STPG4: variants seen among roughly 807,000 people sequenced by gnomAD.
STPG4 encodes the protein protein STPG4.
Under a neutral mutation model 31.5 loss-of-function variants are expected in STPG4, and 41 were observed. The ratio of observed to expected loss-of-function variants is 1.30; its 90% CI spans 1.01 to 1.69. STPG4 has a LOEUF of 1.69. Ranked by LOEUF, STPG4 falls within the 40% of genes most tolerant of loss-of-function variation. STPG4 has a pLI of 0.00. For synonymous variants in STPG4, 141 were observed against 103.0 expected, an observed-to-expected ratio of 1.37 and a Z score of -2.24; for missense variants, 375 against 293.4, an observed-to-expected ratio of 1.28 and a Z score of -2.03.
chr2:47,088,590 G>C (rs1031390596), intron 6 of STPG4, among the ~76,000 whole-genome samples: 2 of 152,284 alleles, frequency 1.3e-5, no homozygotes, highest in Admixed American at 6.5e-5. Flanking sequence ...AAAGAGGCTT[G>C]GACAGGCCAG....
At chr2:47,127,637 A>G (rs1686391849) in intron 5 of STPG4, among the ~76,000 whole-genome samples, 2 of 152,146 alleles carry the variant, frequency 1.3e-5, no homozygotes, top group African/African-American at 4.8e-5. Flanking sequence ...ATTCTTCAGC[A>G]TGTCAATTGA....
chr2:47,089,529 A>T (rs1331689329), intron 6 of STPG4, among the ~76,000 whole-genome samples: 1 of 152,102 alleles, frequency 6.6e-6, no homozygotes, highest in Non-Finnish European at 1.5e-5. Flanking sequence ...TACAGGCAGA[A>T]TTTGTATTTC....
At chr2:47,108,450 C>A in intron 5 of STPG4, 1 of 156,020 alleles carries the variant, frequency 6.4e-6, no homozygotes, top group Non-Finnish European at 1.4e-5. Flanking sequence ...AAGGAAGAAA[C>A]TCCGAACATA....
intron 5 of STPG4, among the ~76,000 whole-genome samples, chr2:47,100,842 A>T (rs1685782691): frequency 6.6e-6 from 1 of 151,658 alleles, no homozygotes; most frequent in African/African-American, 2.4e-5. Context: ...ACAAGAAGGA[A>T]GAAACTCCGA....
chr2:47,147,894 C>T (rs1021798187), intron 3 of STPG4, among the ~76,000 whole-genome samples: 1 of 151,452 alleles, frequency 6.6e-6, no homozygotes, highest in African/African-American at 2.4e-5. Flanking sequence ...TTGAAAAGGG[C>T]CAAATATAGA....
chr2:47,131,585 T>C (rs1036062419), intron 3 of STPG4, among the ~76,000 whole-genome samples: 2 of 152,150 alleles, frequency 1.3e-5, no homozygotes, highest in Non-Finnish European at 2.9e-5. Context: ...GAAACAATCC[T>C]AACATAAACC....
intron 5 of STPG4, among the ~76,000 whole-genome samples, chr2:47,106,184 T>A (rs1685905584): frequency 6.6e-6 from 1 of 151,938 alleles, no homozygotes; most frequent in South Asian, 2.1e-4. Context: ...TCCCATTCCT[T>A]TAAAAGCCAG....
chr2:47,119,183 A>G (rs1013938841), intron 5 of STPG4, among the ~76,000 whole-genome samples: 18 of 152,248 alleles, frequency 1.2e-4, no homozygotes, highest in Admixed American at 2.6e-4. Flanking sequence ...AACCAAATCC[A>G]TAAGTCTGCT....
chr2:47,110,752 T>C (rs981959736), intron 5 of STPG4, among the ~76,000 whole-genome samples: 20 of 152,356 alleles, frequency 1.3e-4, no homozygotes, highest in African/African-American at 3.8e-4. Flanking sequence ...TTAATCACAA[T>C]ACATATCTCA....
intron 5 of STPG4, among the ~76,000 whole-genome samples, chr2:47,114,689 C>T (rs1293197134): frequency 6.6e-6 from 1 of 152,064 alleles, no homozygotes; most frequent in Non-Finnish European, 1.5e-5. Flanking sequence ...TTCAAATATC[C>T]CTTCCTGCAG....
At chr2:47,087,312 C>T (rs61274551) in intron 6 of STPG4, among the ~76,000 whole-genome samples, 182 bp from the exon 7 acceptor site, 29,745 of 152,220 alleles carry the variant, frequency 0.2, 4,558 homozygotes, top group East Asian at 0.64. Context: ...GGAGCAGAGG[C>T]TGCTCCTGTT....
At chr2:47,132,767 T>TC (rs1558684011) in intron 3 of STPG4, among the ~76,000 whole-genome samples, 1 of 151,590 alleles carries the variant, frequency 6.6e-6, no homozygotes, top group Non-Finnish European at 1.5e-5. Flanking sequence ...TTATGCTTCT[T>TC]TCTCTCTCTC....
At chr2:47,113,472 A>G (rs1686081359) in intron 5 of STPG4, among the ~76,000 whole-genome samples, 1 of 152,248 alleles carries the variant, frequency 6.6e-6, no homozygotes, top group South Asian at 2.1e-4. Flanking sequence ...ACTAATTAGA[A>G]TGCATAGCCA....
intron 5 of STPG4, among the ~76,000 whole-genome samples, chr2:47,107,496 C>A (rs568196823): frequency 6.6e-6 from 1 of 152,184 alleles, no homozygotes; most frequent in Non-Finnish European, 1.5e-5. Context: ...GGTTTCTCAC[C>A]GGGTCTTAGC....
At chr2:47,101,623 C>G (rs550048494) in intron 5 of STPG4, among the ~76,000 whole-genome samples, 3 of 151,850 alleles carry the variant, frequency 2.0e-5, no homozygotes, top group African/African-American at 7.3e-5. Flanking sequence ...TCTTTAGGCA[C>G]CCGGGTTCAC....
chr2:47,138,708 C>T (rs976374262), intron 3 of STPG4, among the ~76,000 whole-genome samples: 1 of 152,306 alleles, frequency 6.6e-6, no homozygotes, highest in East Asian at 1.9e-4. Context: ...TGCCACCACA[C>T]CCAGCTAATT....
intron 3 of STPG4, among the ~76,000 whole-genome samples, chr2:47,146,307 G>C (rs73926740): frequency 0.011 from 1,655 of 152,258 alleles, 35 homozygotes; most frequent in African/African-American, 0.037. Context: ...TTAATGAGTA[G>C]AGGCCAGGTG....
chr2:47,114,794 G>C (rs1239103786), intron 5 of STPG4, among the ~76,000 whole-genome samples: 1 of 151,908 alleles, frequency 6.6e-6, no homozygotes, highest in East Asian at 1.9e-4. Flanking sequence ...TTAAGACAGA[G>C]TCTTGCTCTG....
At chr2:47,130,381 T>G in intron 3 of STPG4, 121 bp from the exon 4 acceptor site, 1 of 770,222 alleles carries the variant, frequency 1.3e-6, no homozygotes, top group Non-Finnish European at 2.1e-6. Flanking sequence ...TTCTTTACTT[T>G]AATAGTGGAA....
Sources: allele counts gnomAD v4.1 joint callset (sites outside exome capture counted in the v4.1 genomes callset), GRCh38; gene constraint gnomAD v4.1.1; transcripts MANE v1.5; gene names NCBI Gene and HGNC (gene_info 2026-07-23, HGNC 2026-07-21).